The following ASAP1 variants were observed in gnomAD, a reference collection of about 807,000 sequenced individuals.
ASAP1 encodes the protein arf-GAP with SH3 domain, ANK repeat and PH domain-containing protein 1.
In ASAP1, 43 loss-of-function variants were observed where a neutral mutation model predicts 145.2. The ratio of observed to expected loss-of-function variants is 0.30; its 90% confidence interval spans 0.23 to 0.38. The LOEUF (loss-of-function observed/expected upper bound fraction) is 0.38, where lower values mean the gene tolerates loss of function less well. Ranked by LOEUF, ASAP1 falls within the 10% of genes least tolerant of loss-of-function variation. The pLI, the probability that ASAP1 is intolerant of heterozygous loss-of-function variation, is 1.00. For missense variants in ASAP1, 1,018 were observed against 1,355.3 expected, an observed-to-expected ratio of 0.75 and a Z score of 3.91; for synonymous variants, 546 against 515.5, an observed-to-expected ratio of 1.06 and a Z score of -0.80.
intron 3 of ASAP1, among the ~76,000 whole-genome samples, chr8:130,346,175 G>T (rs1254982404): frequency 6.6e-6 from 1 of 152,152 alleles, no homozygotes; most frequent in Non-Finnish European, 1.5e-5. Context: ...AAAACCTAGG[G>T]TTAAAAAGTG....
intron 3 of ASAP1, among the ~76,000 whole-genome samples, chr8:130,274,841 C>A (rs1820787599): frequency 6.6e-6 from 1 of 152,192 alleles, no homozygotes; most frequent in South Asian, 2.1e-4. Context: ...TGGATTGGCT[C>A]TTAGCTACAC....
At chr8:130,296,273 GA>G (rs969192830) in intron 3 of ASAP1, among the ~76,000 whole-genome samples, 20 of 152,198 alleles carry the variant, frequency 1.3e-4, no homozygotes, top group Admixed American at 5.2e-4. Context: ...TTGAACACCA[GA>G]AAAAGTAGAT....
chr8:130,056,027 C>CA (rs939676968), intron 29 of ASAP1, among the ~76,000 whole-genome samples: 3 of 152,246 alleles, frequency 2.0e-5, no homozygotes, highest in African/African-American at 7.2e-5. Context: ...ACACCAATGA[C>CA]AGCTTCCCAT....
chr8:130,357,145 C>T (rs185976442), intron 3 of ASAP1, among the ~76,000 whole-genome samples: 61 of 151,938 alleles, frequency 4.0e-4, no homozygotes, highest in African/African-American at 1.5e-3. Context: ...GCCCATACCA[C>T]TCTCTCATTA....
chr8:130,120,155 G>A (rs1592847042), intron 18 of ASAP1, among the ~76,000 whole-genome samples: 2 of 152,306 alleles, frequency 1.3e-5, no homozygotes, highest in East Asian at 3.9e-4. Context: ...TTATGCTCAC[G>A]TGTGTCCCTT....
chr8:130,387,645 A>G (rs1365653801), intron 2 of ASAP1, among the ~76,000 whole-genome samples: 7 of 148,798 alleles, frequency 4.7e-5, no homozygotes, highest in African/African-American at 1.8e-4. Context: ...TGACAGAGCG[A>G]GACTCCATCT....
At chr8:130,138,810 TG>T in intron 13 of ASAP1, among the ~76,000 whole-genome samples, 1 of 130,194 alleles carries the variant, frequency 7.7e-6, no homozygotes, top group South Asian at 2.5e-4. Flanking sequence ...CACTCCAGCC[TG>T]GGCAACAAGA....
At chr8:130,179,834 AACACAGTAGTGT>A (rs369098363) in intron 8 of ASAP1, among the ~76,000 whole-genome samples, 193 of 152,268 alleles carry the variant, frequency 1.3e-3, no homozygotes, top group African/African-American at 4.5e-3. Flanking sequence ...GAGGTAACTA[AACACAGTAGTGT>A]ACTTGTACTG....
chr8:130,111,659 T>C (rs1211847108), intron 24 of ASAP1, among the ~76,000 whole-genome samples: 2 of 151,392 alleles, frequency 1.3e-5, no homozygotes, highest in African/African-American at 4.8e-5. Flanking sequence ...GGCATTTTAA[T>C]GTAGAGAAAA....
intron 3 of ASAP1, among the ~76,000 whole-genome samples, chr8:130,272,813 G>C (rs1586729766): frequency 6.6e-6 from 1 of 152,268 alleles, no homozygotes; most frequent in African/African-American, 2.4e-5. Flanking sequence ...GGTAGAAAGT[G>C]GAATGACAGA....
chr8:130,431,807 C>T (rs1830143327), intron 1 of ASAP1, among the ~76,000 whole-genome samples: 1 of 137,578 alleles, frequency 7.3e-6, no homozygotes, highest in South Asian at 2.3e-4. Flanking sequence ...AAGACAGAGA[C>T]AGAAGGGGAA....
intron 2 of ASAP1, among the ~76,000 whole-genome samples, chr8:130,383,329 C>T (rs190440695): frequency 1.2e-3 from 190 of 152,312 alleles, no homozygotes; most frequent in Non-Finnish European, 1.8e-3. Context: ...ACATCCCAGA[C>T]TTTTTGTCGA....
chr8:130,228,466 G>A (rs913616683), intron 4 of ASAP1, among the ~76,000 whole-genome samples: 3 of 151,970 alleles, frequency 2.0e-5, no homozygotes, highest in Non-Finnish European at 4.4e-5. Context: ...TTTGGGAAGC[G>A]AAGGTGGGTG....
At chr8:130,382,069 G>A (rs146400118) in intron 2 of ASAP1, among the ~76,000 whole-genome samples, 16,446 of 151,894 alleles carry the variant, frequency 0.11, 1,001 homozygotes, top group South Asian at 0.27. Flanking sequence ...GGCAGATCAC[G>A]AGGTCAGGAG....
intron 1 of ASAP1, among the ~76,000 whole-genome samples, chr8:130,429,877 C>T (rs1317070174): frequency 6.6e-6 from 1 of 152,224 alleles, no homozygotes; most frequent in Non-Finnish European, 1.5e-5. Context: ...ATGCAAACTC[C>T]TCAATTTGTT....
At chr8:130,102,961 G>T (rs959670090) in intron 24 of ASAP1, among the ~76,000 whole-genome samples, 3 of 150,964 alleles carry the variant, frequency 2.0e-5, no homozygotes, top group Non-Finnish European at 4.4e-5. Context: ...AAAGCATTGG[G>T]ATTACAGGCA....
intron 3 of ASAP1, among the ~76,000 whole-genome samples, chr8:130,322,226 A>C (rs539468080): frequency 2.9e-4 from 44 of 152,344 alleles, no homozygotes; most frequent in Non-Finnish European, 5.4e-4. Flanking sequence ...AAATTGCATA[A>C]GAAACTGAGA....
intron 24 of ASAP1, among the ~76,000 whole-genome samples, chr8:130,109,308 A>G (rs2135562932): frequency 6.6e-6 from 1 of 152,264 alleles, no homozygotes; most frequent in African/African-American, 2.4e-5. Flanking sequence ...GGCACTGCTC[A>G]CTTGTAAGCA....
intron 1 of ASAP1, among the ~76,000 whole-genome samples, chr8:130,442,378 T>G (rs934975191): frequency 6.6e-6 from 1 of 152,218 alleles, no homozygotes; most frequent in African/African-American, 2.4e-5. Flanking sequence ...AAAGATCTTT[T>G]TCTTTCCAAA....
Sources: allele counts gnomAD v4.1 joint callset (sites outside exome capture counted in the v4.1 genomes callset), GRCh38; gene constraint gnomAD v4.1.1; transcripts MANE v1.5; gene names NCBI Gene and HGNC (gene_info 2026-07-23, HGNC 2026-07-21).